The following TPST1 variants were observed in gnomAD, a reference collection of about 807,000 sequenced individuals.
The protein encoded by TPST1 is tyrosylprotein sulfotransferase 1.
TPST1 carries 20 observed loss-of-function variants against 34.8 expected under a neutral mutation model. The ratio of observed to expected loss-of-function variants is 0.57; its 90% CI spans 0.40 to 0.84. The LOEUF (loss-of-function observed/expected upper bound fraction) is 0.84. Among genes scored for constraint, TPST1 ranks in the 40% least tolerant of loss-of-function variants. TPST1 has a pLI of 0.00. For synonymous variants in TPST1, 152 were observed against 159.4 expected (o/e 0.95, Z 0.35); for missense variants, 353 against 455.5 (o/e 0.78, Z 2.05).
chr7:66,200,405 C>T (rs1045493945), upstream of TPST1, among the ~76,000 whole-genome samples: 5 of 151,296 alleles, frequency 3.3e-5, no homozygotes, highest in East Asian at 3.9e-4. Flanking sequence ...GCCATCTATA[C>T]ACAGGTGAAG....
At chr7:66,250,437 GA>G (rs1221118667) in intron 2 of TPST1, among the ~76,000 whole-genome samples, 1 of 152,212 alleles carries the variant, frequency 6.6e-6, no homozygotes, top group Non-Finnish European at 1.5e-5. Flanking sequence ...ACACGTTTTA[GA>G]GTCAGACAGA....
At chr7:66,305,174 A>G (rs1791397340) in intron 3 of TPST1, among the ~76,000 whole-genome samples, 2 of 152,196 alleles carry the variant, frequency 1.3e-5, no homozygotes, top group Admixed American at 1.3e-4. Context: ...AGTGGAAAAA[A>G]GAATTCGTTA....
At position 66,227,120 on chromosome 7, in the gene TPST1, G is replaced by A. The variant is rs958108889; in HGVS notation, c.-101-13205G>A. 8.7e-5 allele frequency among the ~76,000 whole-genome samples: 11 copies of A among 126,904 alleles called. No individual in the cohort carries two copies. The East Asian group carries it at 1.8e-3, about 21-fold the overall frequency. 83.3% of individuals were successfully genotyped at this position (126,904 alleles called of 152,430 possible). A position where few individuals can be genotyped will look rare whatever the true frequency, so the allele number is the denominator to read the frequency against. On this transcript the variant is annotated intron_variant, in intron 1 of 5. Transcript: ENST00000304842. ...GCAGTCTCAACTCACTGCAACCTCCGCCTCCTGGGTTCAAGCAATTTTCTG... is the reference window on the plus strand; with the variant it reads ...GCAGTCTCAACTCACTGCAACCTCCACCTCCTGGGTTCAAGCAATTTTCTG...
intron 3 of TPST1, among the ~76,000 whole-genome samples, chr7:66,311,666 C>G (rs1791534501): frequency 6.6e-6 from 1 of 152,074 alleles, no homozygotes; most frequent in African/African-American, 2.4e-5. Flanking sequence ...GGCTTGTATC[C>G]AGGAAGAAAA....
In TPST1 at chr7:66,329,632, G is replaced by A. The variant is rs531282864; in HGVS notation, c.1045-22873G>A. On this transcript the variant is annotated intron_variant, in intron 3 of 5. Coordinates refer to ENST00000304842, the MANE Select transcript of TPST1 (RefSeq NM_003596.4). ...ATCCCTATGTTCCTCTTTATAAACT[G>A]CAGAAATTCTAAATATAATGCATTA... Among the ~76,000 whole-genome samples the A allele has an allele frequency of 3.7e-4, 57 of 152,252 alleles. No homozygotes were observed. The South Asian group carries it at 0.012, about 31-fold the overall frequency.
intron 1 of TPST1, among the ~76,000 whole-genome samples, chr7:66,215,779 T>C (rs1023698881): frequency 1.4e-4 from 21 of 148,580 alleles, no homozygotes; most frequent in Admixed American, 6.0e-4. Context: ...TTCTTTCTTT[T>C]TTTTTTTTTT....
At chr7:66,269,190 A>C (rs1468893668) in intron 2 of TPST1, among the ~76,000 whole-genome samples, 1 of 152,230 alleles carries the variant, frequency 6.6e-6, no homozygotes, top group African/African-American at 2.4e-5. Flanking sequence ...TAATCAGTGG[A>C]GAACAGATGA....
At chr7:66,309,074 T>C (rs1400833594) in intron 3 of TPST1, among the ~76,000 whole-genome samples, 1 of 152,164 alleles carries the variant, frequency 6.6e-6, no homozygotes, top group Non-Finnish European at 1.5e-5. Flanking sequence ...ATTTTTGTAT[T>C]TTTAGTAGAG....
intron 2 of TPST1, among the ~76,000 whole-genome samples, chr7:66,254,711 T>G (rs1238747330): frequency 6.6e-6 from 1 of 152,194 alleles, no homozygotes; most frequent in Admixed American, 6.5e-5. Context: ...GCCAGATATG[T>G]GTATTGTTTT....
Position 66,298,616 on chromosome 7 carries a change from G to T in TPST1, c.1044+11907G>T, listed in dbSNP as rs1277346000. Among the ~76,000 whole-genome samples the T allele has an allele frequency of 2.8e-4, 42 of 152,082 alleles. 1 individual carries two copies. Among genetic ancestry groups the T allele is most frequent in the Admixed American group, 2.7e-3 (42 of 15,276 alleles). ...TTTAATGTAATTATTCATCTGATTG[G>T]ATTTAAAACTACCATCTTGCTATTT... On this transcript the variant is annotated intron_variant, in intron 3 of 5. Transcript: ENST00000304842.
intron 2 of TPST1, among the ~76,000 whole-genome samples, chr7:66,247,737 G>A (rs759061180): frequency 6.6e-6 from 1 of 152,166 alleles, no homozygotes; most frequent in Non-Finnish European, 1.5e-5. Context: ...TAGCCAATGA[G>A]CCACCCAAGA....
chr7:66,312,432 A>G (rs1448768504), intron 3 of TPST1, among the ~76,000 whole-genome samples: 1 of 152,218 alleles, frequency 6.6e-6, no homozygotes, highest in Non-Finnish European at 1.5e-5. Context: ...ATAAATGAGA[A>G]TATAATAAAT....
At chr7:66,245,798 A>G (rs554645007) in intron 2 of TPST1, among the ~76,000 whole-genome samples, 1 of 152,376 alleles carries the variant, frequency 6.6e-6, no homozygotes, top group South Asian at 2.1e-4. Flanking sequence ...CATTAATAGC[A>G]TGGAAAATTA....
chr7:66,313,557 T>C (rs1339549483), intron 3 of TPST1, among the ~76,000 whole-genome samples: 2 of 152,200 alleles, frequency 1.3e-5, no homozygotes, highest in Non-Finnish European at 2.9e-5. Context: ...TGCAGTAATA[T>C]TTGGACCTCT....
the TPST1 span, among the ~76,000 whole-genome samples, chr7:66,199,294 C>CTTT: frequency 0.56 from 70,543 of 125,296 alleles, 20,712 homozygotes; most frequent in African/African-American, 0.66. Context: ...TCATCTCCTT[C>CTTT]TTTTTTTTTT....
chr7:66,321,305 C>A (rs1791752343), intron 3 of TPST1, among the ~76,000 whole-genome samples: 1 of 152,136 alleles, frequency 6.6e-6, no homozygotes, highest in African/African-American at 2.4e-5. Context: ...GCTTTTGTGT[C>A]CAGAGTTTTT....
chr7:66,201,086 G>A (rs908998195), upstream of TPST1, among the ~76,000 whole-genome samples: 11 of 152,078 alleles, frequency 7.2e-5, no homozygotes, highest in Admixed American at 3.9e-4. Context: ...GTAAAGCCCG[G>A]GAGAGAAAAT....
At chr7:66,261,207 A>C (rs546294646) in intron 2 of TPST1, among the ~76,000 whole-genome samples, 1 of 151,220 alleles carries the variant, frequency 6.6e-6, no homozygotes, top group East Asian at 1.9e-4. Flanking sequence ...CAGTGTTTTG[A>C]AAATTGTTGT....
At chr7:66,260,978 C>T (rs1030297892) in intron 2 of TPST1, among the ~76,000 whole-genome samples, 2 of 152,184 alleles carry the variant, frequency 1.3e-5, no homozygotes, top group African/African-American at 4.8e-5. Context: ...CCAGAATTCT[C>T]TCTGTATACA....
Sources: gnomAD v4.1 joint callset for allele counts (sites outside exome capture counted in the v4.1 genomes callset) on GRCh38, gnomAD v4.1.1 for gene constraint, MANE v1.5 for transcripts, NCBI Gene and HGNC (gene_info 2026-07-23, HGNC 2026-07-21) for gene names.